CNTN6: variants seen among roughly 807,000 people sequenced by gnomAD.
The protein encoded by CNTN6 is contactin-6.
A neutral mutation model predicts 122.8 loss-of-function variants in CNTN6; 137 were observed. That is an observed-to-expected ratio of 1.12 (90% CI 0.97 to 1.29). The LOEUF (loss-of-function observed/expected upper bound fraction) is 1.29, where lower values mean the gene tolerates loss of function less well. CNTN6 is among the 50% of genes most tolerant of loss of function. The pLI is 0.00. For synonymous variants in CNTN6, 570 were observed against 426.0 expected, an observed-to-expected ratio of 1.34 and a Z score of -4.16; for missense variants, 1,634 against 1,223.4, an observed-to-expected ratio of 1.34 and a Z score of -5.01.
chr3:1,352,212 A>C, intron 11 of CNTN6, 112 bp from the exon 12 acceptor site: 8 of 916,294 alleles, frequency 8.7e-6, no homozygotes, highest in Non-Finnish European at 1.2e-5. Context: ...GAAAAAATTC[A>C]TATTATCACA....
chr3:1,129,904 A>G (rs574484827), intron 1 of CNTN6, among the ~76,000 whole-genome samples: 2 of 152,188 alleles, frequency 1.3e-5, no homozygotes, highest in Non-Finnish European at 2.9e-5. Flanking sequence ...TTTTTTAAAA[A>G]CAGTTTTTCA....
chr3:1,370,837 G>T (rs1708907492), intron 12 of CNTN6, among the ~76,000 whole-genome samples: 1 of 151,866 alleles, frequency 6.6e-6, no homozygotes, highest in Admixed American at 6.6e-5. Context: ...GACGGAGCGA[G>T]ACTCCATCTC....
At chr3:1,111,452 T>A (rs1273797417) in intron 1 of CNTN6, among the ~76,000 whole-genome samples, 1 of 152,110 alleles carries the variant, frequency 6.6e-6, no homozygotes, top group Non-Finnish European at 1.5e-5. Flanking sequence ...GTAAAGTAAA[T>A]CGGTTAAATA....
chr3:1,308,099 CATTT>C (rs1221836215), intron 7 of CNTN6, among the ~76,000 whole-genome samples: 1 of 152,138 alleles, frequency 6.6e-6, no homozygotes, highest in African/African-American at 2.4e-5. Context: ...ACTTCTTCCT[CATTT>C]ATTAATATTT....
At chr3:1,257,756 A>G (rs574330128) in intron 4 of CNTN6, among the ~76,000 whole-genome samples, 4 of 152,302 alleles carry the variant, frequency 2.6e-5, no homozygotes, top group African/African-American at 9.6e-5. Context: ...GAGCTATTCT[A>G]CAAAGCTCAA....
intron 4 of CNTN6, among the ~76,000 whole-genome samples, chr3:1,274,254 C>G (rs1027120050): frequency 6.6e-6 from 1 of 152,050 alleles, no homozygotes; most frequent in African/African-American, 2.4e-5. Context: ...AGAGGACTCC[C>G]AAGTCAAGGC....
chr3:1,120,429 T>G (rs1439591030), intron 1 of CNTN6, among the ~76,000 whole-genome samples: 1 of 151,990 alleles, frequency 6.6e-6, no homozygotes, highest in African/African-American at 2.4e-5. Context: ...CATTGTAGCT[T>G]TAATTTGCAT....
chr3:1,137,279 G>A (rs746258467), intron 1 of CNTN6, among the ~76,000 whole-genome samples: 7 of 152,210 alleles, frequency 4.6e-5, no homozygotes, highest in Non-Finnish European at 8.8e-5. Flanking sequence ...AGTCACTCCG[G>A]ATATTTGTTG....
chr3:1,097,838 AGG>A (rs1346975313), intron 1 of CNTN6, among the ~76,000 whole-genome samples: 2 of 152,204 alleles, frequency 1.3e-5, no homozygotes, highest in Non-Finnish European at 2.9e-5. Context: ...TATGAGCCTT[AGG>A]ATCAATTGGG....
chr3:1,340,209 A>T (rs1203786428), intron 11 of CNTN6, among the ~76,000 whole-genome samples: 2 of 152,176 alleles, frequency 1.3e-5, no homozygotes, highest in Non-Finnish European at 1.5e-5. Context: ...CAGGATTTTA[A>T]TGAGATTTCT....
chr3:1,347,204 A>G (rs1704868343), intron 11 of CNTN6, among the ~76,000 whole-genome samples: 1 of 152,166 alleles, frequency 6.6e-6, no homozygotes, highest in African/African-American at 2.4e-5. Context: ...TACAAACGCT[A>G]TTAATTTTTC....
At chr3:1,114,321 A>G (rs906967260) in intron 1 of CNTN6, among the ~76,000 whole-genome samples, 1 of 152,186 alleles carries the variant, frequency 6.6e-6, no homozygotes, top group Non-Finnish European at 1.5e-5. Flanking sequence ...GCACGTTGTC[A>G]TTAGCTTGCT....
intron 5 of CNTN6, among the ~76,000 whole-genome samples, chr3:1,292,646 G>T (rs1695520943): frequency 6.6e-6 from 1 of 152,164 alleles, no homozygotes. Context: ...ACGGTTCAGA[G>T]TAAGAATAAG....
At chr3:1,376,938 C>T in intron 16 of CNTN6, 67 bp from the exon 17 acceptor site, 1 of 1,120,588 alleles carries the variant, frequency 8.9e-7, no homozygotes, top group Non-Finnish European at 1.3e-6. Context: ...AATTCAAAAA[C>T]AAAATTCTTC....
chr3:1,307,282 G>C (rs1001184412), intron 7 of CNTN6, among the ~76,000 whole-genome samples: 13 of 152,134 alleles, frequency 8.5e-5, no homozygotes, highest in African/African-American at 2.7e-4. Context: ...ACTGGAGAGG[G>C]TCACTGTCAT....
intron 5 of CNTN6, among the ~76,000 whole-genome samples, chr3:1,286,443 C>T (rs539861501): frequency 7.2e-5 from 11 of 152,034 alleles, no homozygotes; most frequent in South Asian, 4.2e-4. Context: ...TGAAAACCTG[C>T]GGTGTTTGGT....
At chr3:1,236,075 A>T (rs1035039642) in intron 4 of CNTN6, among the ~76,000 whole-genome samples, 1 of 152,012 alleles carries the variant, frequency 6.6e-6, no homozygotes, top group African/African-American at 2.4e-5. Flanking sequence ...ACCCAAGGAG[A>T]GGCTGAGCTC....
At chr3:1,371,021 C>T (rs575917084) in intron 12 of CNTN6, among the ~76,000 whole-genome samples, 30 of 151,968 alleles carry the variant, frequency 2.0e-4, no homozygotes, top group African/African-American at 7.0e-4. Flanking sequence ...GCTCTTTTGT[C>T]AGTATGTACC....
intron 4 of CNTN6, among the ~76,000 whole-genome samples, chr3:1,242,809 TAA>T (rs199877802): frequency 0.012 from 1,868 of 151,976 alleles, 13 homozygotes; most frequent in Non-Finnish European, 0.018. Context: ...TGGGGATAAC[TAA>T]AAAAGAGTCC....
Sources: gnomAD v4.1 joint callset for allele counts (sites outside exome capture counted in the v4.1 genomes callset) on GRCh38, gnomAD v4.1.1 for gene constraint, MANE v1.5 for transcripts, NCBI Gene and HGNC (gene_info 2026-07-23, HGNC 2026-07-21) for gene names.